The following DYM variants were observed in gnomAD, a reference collection of about 807,000 sequenced individuals.
DYM encodes dyggve-Melchior-Clausen syndrome protein.
DYM carries 78 observed loss-of-function variants against 93.1 expected under a neutral mutation model. The ratio of observed to expected loss-of-function variants is 0.84; its 90% CI spans 0.70 to 1.01. The LOEUF (loss-of-function observed/expected upper bound fraction) is 1.01. Among genes scored for constraint, DYM ranks in the 50% least tolerant of loss-of-function variants. The pLI is 0.00. For synonymous variants in DYM, 321 were observed against 319.7 expected, an observed-to-expected ratio of 1.00 and a Z score of -0.04; for missense variants, 789 against 845.0, an observed-to-expected ratio of 0.93 and a Z score of 0.82.
intron 17 of DYM, among the ~76,000 whole-genome samples, chr18:49,080,688 GCTC>G (rs1419156454): frequency 6.8e-6 from 1 of 146,312 alleles, no homozygotes; most frequent in African/African-American, 2.5e-5. Flanking sequence ...GGGCAGAGAC[GCTC>G]CTCACTTCCC....
intron 1 of DYM, 74 bp downstream of exon 1, chr18:49,460,324 C>G (rs2083395550): frequency 6.6e-6 from 1 of 152,084 alleles, no homozygotes; most frequent in Non-Finnish European, 1.5e-5. Context: ...GCCCCTGACC[C>G]CCTCTGACAG....
intron 8 of DYM, among the ~76,000 whole-genome samples, chr18:49,298,972 A>G (rs1221698419): frequency 1.3e-5 from 2 of 152,210 alleles, no homozygotes; most frequent in African/African-American, 4.8e-5. Context: ...TGCAAAAAGA[A>G]TAAACAAATT....
chr18:49,393,107 A>AAGAAG (rs2069576765), intron 2 of DYM, among the ~76,000 whole-genome samples: 9 of 7,794 alleles, frequency 1.2e-3, no homozygotes, highest in Non-Finnish European at 2.1e-3. Context: ...GAAGGAAGGA[A>AAGAAG]GGAAGGAAGG....
intron 1 of DYM, among the ~76,000 whole-genome samples, chr18:49,442,875 T>TC (rs1555753235): frequency 7.2e-5 from 11 of 151,822 alleles, no homozygotes; most frequent in African/African-American, 2.4e-4. Context: ...TTTTTTTTTT[T>TC]CAGACAGGGT....
chr18:49,202,307 T>C (rs2092063827), intron 14 of DYM, among the ~76,000 whole-genome samples: 1 of 152,176 alleles, frequency 6.6e-6, no homozygotes, highest in Non-Finnish European at 1.5e-5. Context: ...AGAAAAGAAC[T>C]CTAGGGGAGT....
intron 16 of DYM, 102 bp downstream of exon 16, chr18:49,118,642 A>C: frequency 1.8e-6 from 2 of 1,119,788 alleles, no homozygotes; most frequent in Non-Finnish European, 2.7e-6. Flanking sequence ...TAATGTTGAA[A>C]GAAGAAACTC....
intron 15 of DYM, among the ~76,000 whole-genome samples, chr18:49,137,199 C>G (rs1231352999): frequency 3.7e-4 from 56 of 152,258 alleles, no homozygotes; most frequent in Non-Finnish European, 4.4e-5. Context: ...CCTGCACCGA[C>G]CTACTTCATC....
intron 17 of DYM, among the ~76,000 whole-genome samples, chr18:49,068,649 T>TA (rs1188695758): frequency 1.3e-5 from 2 of 152,208 alleles, no homozygotes; most frequent in African/African-American, 4.8e-5. Context: ...GCTGCTTTTT[T>TA]AAAAACTTAA....
intron 17 of DYM, among the ~76,000 whole-genome samples, chr18:49,060,140 A>T (rs1054712671): frequency 1.3e-5 from 2 of 152,236 alleles, no homozygotes; most frequent in African/African-American, 2.4e-5. Context: ...AATGTTAGAA[A>T]GTACAATGCA....
chr18:49,246,569 T>A (rs2094172686), intron 13 of DYM, among the ~76,000 whole-genome samples: 2 of 152,244 alleles, frequency 1.3e-5, no homozygotes, highest in African/African-American at 4.8e-5. Context: ...TTTGTCTGCT[T>A]CTGCAACAGT....
At chr18:49,290,258 G>A (rs955360821) in intron 8 of DYM, among the ~76,000 whole-genome samples, 3 of 151,746 alleles carry the variant, frequency 2.0e-5, no homozygotes, top group Admixed American at 2.0e-4. Flanking sequence ...AGATGTCTAT[G>A]TACCAACAAG....
At chr18:49,157,261 C>T (rs1409303692) in intron 15 of DYM, among the ~76,000 whole-genome samples, 1 of 152,108 alleles carries the variant, frequency 6.6e-6, no homozygotes, top group African/African-American at 2.4e-5. Flanking sequence ...TAATATCACA[C>T]CACTCCTCCT....
chr18:49,208,809 A>G (rs1477720893), intron 14 of DYM: 1 of 151,554 alleles, frequency 6.6e-6, no homozygotes, highest in African/African-American at 2.4e-5. Flanking sequence ...GTCATCTCTT[A>G]CTTAGAAAAA....
intron 13 of DYM, among the ~76,000 whole-genome samples, chr18:49,235,817 C>T (rs1429648747): frequency 1.3e-5 from 2 of 148,570 alleles, no homozygotes; most frequent in Admixed American, 6.7e-5. Context: ...TAAAATCTTT[C>T]GATCATCACA....
intron 8 of DYM, among the ~76,000 whole-genome samples, chr18:49,329,887 T>G (rs2063187313): frequency 6.6e-6 from 1 of 152,242 alleles, no homozygotes; most frequent in African/African-American, 2.4e-5. Flanking sequence ...CCAAATCATA[T>G]TTTCTCAAGC....
chr18:49,221,218 A>G (rs1386572933), intron 13 of DYM, among the ~76,000 whole-genome samples: 2 of 152,090 alleles, frequency 1.3e-5, no homozygotes, highest in African/African-American at 4.8e-5. Context: ...ACCATCTCAC[A>G]CCAGTTAGAA....
chr18:49,097,876 T>G (rs796212088), intron 16 of DYM, among the ~76,000 whole-genome samples: 4 of 28,528 alleles, frequency 1.4e-4, no homozygotes, highest in African/African-American at 9.7e-4. Flanking sequence ...TAATATTAGC[T>G]CTCTCTCTCT....
rs572634041 is a variant in DYM, at chr18:49,423,512, A to G, written c.140+6743T>C. Among the ~76,000 whole-genome samples, 6 of 152,338 alleles carry G rather than the reference A, an allele frequency of 3.9e-5. No individual in the cohort carries two copies. In the South Asian group the frequency reaches 1.2e-3, roughly 32 times the overall value. On this transcript the variant is annotated intron_variant, in intron 2 of 17. Transcript: ENST00000675505. ...AGAGAAGCAAGAGCAAACACTTTCA[A>G]AAGCTGGCAGAAGGCAAGAAATAAC... is the stretch of plus-strand genomic sequence containing the variant.
At chr18:49,392,524 A>G (rs1425490350) in intron 2 of DYM, among the ~76,000 whole-genome samples, 1 of 151,912 alleles carries the variant, frequency 6.6e-6, no homozygotes, top group African/African-American at 2.4e-5. Flanking sequence ...AAACAACCCA[A>G]TTTTAAAATG....
Sources: allele counts gnomAD v4.1 joint callset (sites outside exome capture counted in the v4.1 genomes callset), GRCh38; gene constraint gnomAD v4.1.1; transcripts MANE v1.5; gene names NCBI Gene and HGNC (gene_info 2026-07-23, HGNC 2026-07-21).